Variants in TMF1 observed in about 807,000 individuals in gnomAD.
TMF1 encodes TATA element modulatory factor 1.
In TMF1, 71 loss-of-function variants were observed where a neutral mutation model predicts 126.5. That is an observed-to-expected ratio of 0.56 (90% CI 0.46 to 0.68). TMF1 has a LOEUF of 0.68. TMF1 is among the 30% of genes least tolerant of loss of function. The pLI is 0.00. For missense variants in TMF1, 1,259 were observed against 1,253.2 expected (o/e 1.00, Z -0.07); for synonymous variants, 461 against 430.5 (o/e 1.07, Z -0.88).
chr3:69,029,895 T>C lies in TMF1; in HGVS notation c.2514A>G (p.Leu838=). Residue 838 remains leucine (L), a synonymous_variant, in exon 11 of 17, where the codon TTA becomes TTG. Coordinates refer to ENST00000398559, the MANE Select transcript of TMF1 (RefSeq NM_007114.3). The part of the protein sequence containing the change: ...MSSMESQNSL[L]RQENSRFQAQ... ...CTTGAAATCTACTGTTTTCCTGTCT[T>C]AAAAGAGAATTCTGTGACTCCATGG... The C allele has an allele frequency of 6.2e-7, 1 of 1,614,166 alleles. No individual in the cohort carries two copies. The highest frequency in any genetic ancestry group is 8.5e-7 in the Non-Finnish European group (1 of 1,180,016).
intron 15 of TMF1, 173 bp downstream of exon 15, chr3:69,025,387 T>A: frequency 1.8e-6 from 1 of 564,248 alleles, no homozygotes; most frequent in Non-Finnish European, 3.0e-6. Context: ...TATCCTTAGC[T>A]AATTTCTCTT....
intron 1 of TMF1, among the ~76,000 whole-genome samples, chr3:69,051,241 C>A (rs2091926363): frequency 1.3e-5 from 2 of 152,128 alleles, no homozygotes; most frequent in African/African-American, 2.4e-5. Context: ...CTTTAGGAGG[C>A]CGAGGTGGGT....
At chr3:69,045,134 C>A (rs1423072888) in intron 2 of TMF1, among the ~76,000 whole-genome samples, 1 of 152,156 alleles carries the variant, frequency 6.6e-6, no homozygotes, top group African/African-American at 2.4e-5. Flanking sequence ...AAACACATAC[C>A]CTTTTTAAAA....
At chr3:69,035,912 T>C (rs1044683345) in intron 8 of TMF1, among the ~76,000 whole-genome samples, 1 of 152,116 alleles carries the variant, frequency 6.6e-6, no homozygotes, top group African/African-American at 2.4e-5. Flanking sequence ...GATTTATGCA[T>C]GGTAACTCAT....
intron 1 of TMF1, among the ~76,000 whole-genome samples, chr3:69,049,264 C>T (rs1434451165): frequency 1.3e-5 from 2 of 152,184 alleles, no homozygotes; most frequent in African/African-American, 2.4e-5. Flanking sequence ...GTCCCAGCTA[C>T]TCAGGAGGCT....
chr3:69,043,035 T>C, intron 4 of TMF1, 123 bp from the exon 5 acceptor site: 1 of 688,204 alleles, frequency 1.5e-6, no homozygotes, highest in South Asian at 2.1e-5. Flanking sequence ...CTGTAAGTTT[T>C]GTTCAGTTAA....
chr3:69,032,503 C>T (rs1033948072), intron 10 of TMF1, among the ~76,000 whole-genome samples: 2 of 152,134 alleles, frequency 1.3e-5, no homozygotes, highest in Non-Finnish European at 2.9e-5. Flanking sequence ...AATATACATA[C>T]ACTAGCTGTC....
intron 13 of TMF1, among the ~76,000 whole-genome samples, chr3:69,027,304 C>CT (rs1163732796): frequency 6.6e-6 from 1 of 152,018 alleles, no homozygotes; most frequent in East Asian, 1.9e-4. Context: ...CCTCAGAAAA[C>CT]TCATTTCAGA....
Position 69,039,607 on chromosome 3 carries a change from C to A in TMF1, c.1771G>T (p.Ala591Ser), listed in dbSNP as rs1295459981. 14 of 1,613,570 alleles carry A rather than the reference C, an allele frequency of 8.7e-6. No homozygotes were observed. Among genetic ancestry groups the A allele is most frequent in the Non-Finnish European group, 1.2e-5 (14 of 1,179,912 alleles). ...AKDKENENMV[A>S]KLNKKVKELE... ...TCTTTAACTTTTTTGTTCAGCTTTGCAACCATATTTTCATTCTCCTTGTCT... is the reference window on the plus strand; with the variant it reads ...TCTTTAACTTTTTTGTTCAGCTTTGAAACCATATTTTCATTCTCCTTGTCT... Residue 591 changes from alanine (A) to serine (S), a missense_variant, in exon 6 of 17, where the codon GCA (alanine) becomes TCA (serine). Physicochemically the swap from Ala to Ser is moderately conservative, Grantham distance 99. Transcript: ENST00000398559.
At chr3:69,044,411 T>C (rs2091884033) in intron 3 of TMF1, 81 bp downstream of exon 3, 2 of 728,660 alleles carry the variant, frequency 2.7e-6, no homozygotes, top group Admixed American at 3.1e-5. Flanking sequence ...CATTTTAATT[T>C]CAAAAACATT....
Position 69,038,876 on chromosome 3 carries a change from C to T in TMF1, c.1961G>A (p.Arg654Gln), listed in dbSNP as rs760281565. ...ACTATCCAGGGCAGCCTGAATACTT[C>T]GGTTCTTTTCTTCAAGTTCATCCAT... ...VDMDELEEKN[R>Q]SIQAALDSAY... Residue 654 changes from arginine (R) to glutamine (Q), a missense_variant, in exon 7 of 17, where the codon CGA becomes CAA. Coordinates refer to ENST00000398559, the MANE Select transcript of TMF1 (RefSeq NM_007114.3). The T allele has an allele frequency of 1.7e-5, 28 of 1,610,338 alleles. No homozygotes were observed. The South Asian group carries it at 2.5e-4, about 15-fold the overall frequency.
At chr3:69,032,313 G>T (rs1158621906) in intron 10 of TMF1, among the ~76,000 whole-genome samples, 1 of 152,138 alleles carries the variant, frequency 6.6e-6, no homozygotes, top group Admixed American at 6.5e-5. Flanking sequence ...CAATATAAGT[G>T]ACTTGTTCCA....
At position 69,047,459 on chromosome 3, in the gene TMF1, G is replaced by A. The variant is rs569817813; in HGVS notation, c.1246C>T (p.Pro416Ser). 389 of 1,614,134 alleles carry A rather than the reference G, an allele frequency of 2.4e-4. 5 individuals carry two copies. In the South Asian group the frequency reaches 4.0e-3, roughly 17 times the overall value. The stretch of plus-strand genomic sequence containing the variant: ...AACACAGTCTGTCCTTCATTTATTG[G>A]TGTGGAAGAAACCAAGATATCAGGC... ...EQPDILVSST[P>S]INEGQTVLDK... The change falls in exon 2 of 17, where the codon CCA becomes TCA. Residue 416 changes from proline to serine, a missense_variant. Coordinates refer to ENST00000398559, the MANE Select transcript of TMF1 (RefSeq NM_007114.3).
chr3:69,044,198 C>G (rs1423844236), intron 3 of TMF1, among the ~76,000 whole-genome samples: 1 of 152,168 alleles, frequency 6.6e-6, no homozygotes, highest in African/African-American at 2.4e-5. Flanking sequence ...TATAGCACAA[C>G]TGTGTTATTG....
intron 1 of TMF1, 37 bp downstream of exon 1, chr3:69,051,908 C>A: frequency 3.1e-6 from 5 of 1,605,830 alleles, no homozygotes; most frequent in Non-Finnish European, 4.3e-6. Flanking sequence ...GAACAGCAGC[C>A]TCCGGGAGCC....
At chr3:69,039,890 G>T (rs1440965161) in intron 5 of TMF1, among the ~76,000 whole-genome samples, 197 bp from the exon 6 acceptor site, 2 of 152,150 alleles carry the variant, frequency 1.3e-5, no homozygotes, top group African/African-American at 4.8e-5. Context: ...TTGGGAACTG[G>T]ATATTGACAC....
chr3:69,028,356 T>A, intron 11 of TMF1, 61 bp from the exon 12 acceptor site: 1 of 1,135,366 alleles, frequency 8.8e-7, no homozygotes, highest in South Asian at 1.3e-5. Context: ...TATAGACTAT[T>A]AAAAACTCAG....
intron 11 of TMF1, 95 bp downstream of exon 11, chr3:69,029,720 C>T (rs551120610): frequency 9.1e-5 from 111 of 1,213,234 alleles, no homozygotes; most frequent in East Asian, 6.9e-4. Context: ...GGATTACAGG[C>T]GTGAGCCACG....
rs373314601 is a variant in TMF1, at chr3:69,029,870, C to T, written c.2539G>A (p.Ala847Thr). The T allele has an allele frequency of 5.3e-5, 86 of 1,613,878 alleles. No individual in the cohort carries two copies. Among genetic ancestry groups the T allele is most frequent in the Non-Finnish European group, 7.1e-5 (84 of 1,179,944 alleles). Residue 847 changes from alanine (A) to threonine (T), a missense_variant, in exon 11 of 17, where the codon GCC becomes ACC. Physicochemically the swap from Ala to Thr is moderately conservative, Grantham distance 58 (BLOSUM62 0). Coordinates refer to ENST00000398559, the MANE Select transcript of TMF1 (RefSeq NM_007114.3). ...CTATTTTTCTCTGATTCTAGCTGGG[C>T]TTGAAATCTACTGTTTTCCTGTCTT... ...LLRQENSRFQ[A>T]QLESEKNRLC... is the part of the protein sequence containing the mutation.
Sources: allele counts gnomAD v4.1 joint callset (sites outside exome capture counted in the v4.1 genomes callset), GRCh38; gene constraint gnomAD v4.1.1; transcripts MANE v1.5; gene names NCBI Gene and HGNC (gene_info 2026-07-23, HGNC 2026-07-21).